The following TULP4 variants were observed in gnomAD, a reference collection of about 807,000 sequenced individuals.
TULP4 encodes TUB like protein 4.
In TULP4, 16 loss-of-function variants were observed where a neutral mutation model predicts 129.0. The observed-to-expected ratio is 0.12, with a 90% CI of 0.08 to 0.19. The LOEUF (loss-of-function observed/expected upper bound fraction) is 0.19, where lower values mean the gene tolerates loss of function less well. Among genes scored for constraint, TULP4 ranks in the 10% least tolerant of loss-of-function variants. The pLI, the probability that TULP4 is intolerant of heterozygous loss-of-function variation, is 1.00. For missense variants in TULP4, 1,842 were observed against 2,059.1 expected, an observed-to-expected ratio of 0.89 and a Z score of 2.04; for synonymous variants, 998 against 854.0, an observed-to-expected ratio of 1.17 and a Z score of -2.94.
In TULP4 at chr6:158,503,882, G is replaced by A. The variant is rs756561518; in HGVS notation, c.4219G>A (p.Glu1407Lys). Reference protein sequence around the residue: ...NKTNEFQDSSESEPELFISGD... With the variant: ...NKTNEFQDSSKSEPELFISGD... ...GACAAACGAGTTCCAGGACAGCTCC[G>A]AGAGCGAGCCTGAGCTGTTCATCAG... Residue 1407 changes from glutamate to lysine, a missense_variant, in exon 13 of 14, where the codon GAG (glutamate) becomes AAG (lysine). Glu to Lys is a moderately conservative substitution (Grantham distance 56). Around this residue, in one of 5 missense-constraint regions of TULP4, gnomAD observed 1,089 missense variants for 987.1 expected, o/e 1.10. Transcript: ENST00000367097. The surrounding 1 kb of genome is among the most constrained non-coding windows in gnomAD (Gnocchi z 4.3). 9 of 1,613,982 alleles carry A rather than the reference G, an allele frequency of 5.6e-6. No individual in the cohort carries two copies. The highest frequency in any genetic ancestry group is 2.2e-5 in the East Asian group (1 of 44,904).
chr6:158,257,133 T>G (rs1278804325), intron 1 of TULP4, among the ~76,000 whole-genome samples: 8 of 152,282 alleles, frequency 5.3e-5, no homozygotes, highest in African/African-American at 1.9e-4. Context: ...AAATGGACTG[T>G]GGAGTGAGTT....
At chr6:158,293,545 C>A (rs1283773224) in intron 1 of TULP4, among the ~76,000 whole-genome samples, 1 of 152,100 alleles carries the variant, frequency 6.6e-6, no homozygotes, top group Non-Finnish European at 1.5e-5. Context: ...TTACCTCTAC[C>A]ACAGGCAGAA....
intron 3 of TULP4, among the ~76,000 whole-genome samples, chr6:158,433,453 G>C (rs1415548939): frequency 6.6e-6 from 1 of 152,170 alleles, no homozygotes; most frequent in African/African-American, 2.4e-5. Context: ...AGTGGCTCAC[G>C]CCTGTAATCC....
At chr6:158,411,641 T>C (rs1778103062) in intron 1 of TULP4, among the ~76,000 whole-genome samples, 1 of 152,220 alleles carries the variant, frequency 6.6e-6, no homozygotes, top group South Asian at 2.1e-4. Context: ...TTACAACAAG[T>C]GCAGATAACA....
intron 1 of TULP4, among the ~76,000 whole-genome samples, chr6:158,284,812 T>A (rs1778809394): frequency 6.6e-6 from 1 of 152,188 alleles, no homozygotes; most frequent in South Asian, 2.1e-4. Flanking sequence ...ATGAAAAAAC[T>A]GAGACCACAG....
At chr6:158,341,026 A>G (rs1780169083) in intron 1 of TULP4, among the ~76,000 whole-genome samples, 1 of 151,970 alleles carries the variant, frequency 6.6e-6, no homozygotes, top group Non-Finnish European at 1.5e-5. Context: ...ACTAGATCTT[A>G]TTCCTTCTAT....
At chr6:158,466,400 T>A (rs1460420134) in intron 6 of TULP4, among the ~76,000 whole-genome samples, 2 of 151,806 alleles carry the variant, frequency 1.3e-5, no homozygotes. Flanking sequence ...GGACTAACCA[T>A]CCTCTTGGAT....
chr6:158,348,581 C>T lies in TULP4; in HGVS notation c.252+34313C>T, dbSNP rs1027772777. 3.9e-5 allele frequency among the ~76,000 whole-genome samples: 6 copies of T among 152,134 alleles called. No individual in the cohort carries two copies. The East Asian group carries it at 1.2e-3, about 29-fold the overall frequency. On this transcript the variant is annotated intron_variant, in intron 1 of 13. Transcript: ENST00000367097. ...AGTCTCCTATGTCTCCTTCTTTCTA[C>T]ACAGACACAGTAACAATCTGATCTC... is the stretch of plus-strand genomic sequence containing the variant.
chr6:158,432,649 T>A (rs998895138), intron 3 of TULP4, among the ~76,000 whole-genome samples: 1 of 152,148 alleles, frequency 6.6e-6, no homozygotes, highest in African/African-American at 2.4e-5. Flanking sequence ...GATCATGAGG[T>A]CAGGAGATTG....
At chr6:158,409,276 C>G (rs1778033705) in intron 1 of TULP4, among the ~76,000 whole-genome samples, 1 of 152,128 alleles carries the variant, frequency 6.6e-6, no homozygotes, top group Admixed American at 6.5e-5. Context: ...AATAGTAACA[C>G]TCTAAAATGA....
upstream of TULP4, among the ~76,000 whole-genome samples, chr6:158,281,011 G>A (rs1778739065): frequency 6.6e-6 from 1 of 152,138 alleles, no homozygotes; most frequent in Non-Finnish European, 1.5e-5. Context: ...TGTAGCTTTT[G>A]CACTCTCATT....
At chr6:158,420,080 T>G (rs1778301413) in intron 2 of TULP4, among the ~76,000 whole-genome samples, 1 of 152,214 alleles carries the variant, frequency 6.6e-6, no homozygotes, top group Non-Finnish European at 1.5e-5. Flanking sequence ...AGTAAATATT[T>G]TAGGTTTTGT....
At chr6:158,459,197 G>C (rs961774410) in intron 5 of TULP4, among the ~76,000 whole-genome samples, 13 of 152,176 alleles carry the variant, frequency 8.5e-5, no homozygotes, top group Middle Eastern at 3.2e-3. Context: ...TTGTGAGGCC[G>C]AGGCGGGTGG....
intron 6 of TULP4, among the ~76,000 whole-genome samples, chr6:158,475,157 G>A (rs997134616): frequency 6.6e-6 from 1 of 152,256 alleles, no homozygotes; most frequent in Admixed American, 6.5e-5. Flanking sequence ...CACACTCCCT[G>A]GTGGGAGGTG....
At chr6:158,487,764 G>C (rs1360281198) in intron 8 of TULP4, among the ~76,000 whole-genome samples, 1 of 152,264 alleles carries the variant, frequency 6.6e-6, no homozygotes, top group Admixed American at 6.5e-5. Context: ...GTGTGGAATT[G>C]TAACACTGAA....
upstream of TULP4, among the ~76,000 whole-genome samples, chr6:158,279,985 A>C (rs565498663): frequency 6.6e-6 from 1 of 152,358 alleles, no homozygotes; most frequent in South Asian, 2.1e-4. Flanking sequence ...GCGTGGATAG[A>C]CGAGATGCAC....
rs751904723 is a variant in TULP4 at position 158,497,116 on chromosome 6, G to A, written c.1871-1553G>A. Among the ~76,000 whole-genome samples, 6 of 152,232 alleles carry A rather than the reference G, an allele frequency of 3.9e-5. No individual in the cohort carries two copies. The South Asian group carries it at 1.0e-3, about 26-fold the overall frequency. ...CATACCCCCATCTTGGCCTCTCAAA[G>A]TGCTGGAATTACAGGTGCGAGCTAC... is the stretch of plus-strand genomic sequence containing the variant. On this transcript the variant is annotated intron_variant, in intron 11 of 13. Transcript: ENST00000367097.
rs751287104 is a variant in TULP4 at position 158,314,097 on chromosome 6, C to T, written c.81C>T (p.Pro27=). ...GCCTGTCCTGGAAGGGGCGTGTCCC[C>T]AAGAGTGAGAAGGAGAAGCCTGTGT... ...ILCLSWKGRV[P]KSEKEKPVCR... is the part of the protein sequence containing the mutation. Residue 27 remains proline, a synonymous_variant, in exon 1 of 14, where the codon CCC becomes CCT. Transcript: ENST00000367097. 7 of 1,614,146 alleles carry T rather than the reference C, an allele frequency of 4.3e-6. No homozygotes were observed. The highest frequency in any genetic ancestry group is 5.9e-6 in the Non-Finnish European group (7 of 1,180,028).
chr6:158,275,484 G>A (rs746122094), intron 1 of TULP4, among the ~76,000 whole-genome samples: 2 of 152,166 alleles, frequency 1.3e-5, no homozygotes, highest in African/African-American at 4.8e-5. Context: ...TCCTGGCACT[G>A]ATTTGCAAAT....
Sources: allele counts gnomAD v4.1 joint callset (sites outside exome capture counted in the v4.1 genomes callset), GRCh38; gene constraint gnomAD v4.1.1; regional missense constraint gnomAD v4.1.1; non-coding constraint Gnocchi (gnomAD v3.1); transcripts MANE v1.5; gene names NCBI Gene and HGNC (gene_info 2026-07-23, HGNC 2026-07-21).